The following ATXN7L1 variants were observed in gnomAD, a reference collection of about 807,000 sequenced individuals.
ATXN7L1 encodes ataxin-7-like protein 1.
In ATXN7L1, 15 loss-of-function variants were observed where a neutral mutation model predicts 70.8. That is an observed-to-expected ratio of 0.21 (90% CI 0.14 to 0.33). The LOEUF (loss-of-function observed/expected upper bound fraction) is 0.33. Among genes scored for constraint, ATXN7L1 ranks in the 10% least tolerant of loss-of-function variants. The pLI is 1.00. For synonymous variants in ATXN7L1, 440 were observed against 445.1 expected (o/e 0.99, Z 0.14); for missense variants, 975 against 1,097.1 (o/e 0.89, Z 1.57).
In ATXN7L1 at chr7:105,733,554, C is replaced by T. The variant is rs77132874; in HGVS notation, c.355+55050G>A. Among the ~76,000 whole-genome samples, 140 of 80,420 alleles carry T rather than the reference C, an allele frequency of 1.7e-3. 1 individual carries two copies. The highest frequency in any genetic ancestry group is 3.7e-3 in the African/African-American group (71 of 19,036). The allele number at this position is 80,420 out of a possible 152,430, so 52.8% of individuals were successfully genotyped here. A position where few individuals can be genotyped will look rare whatever the true frequency, so the allele number is the denominator to read the frequency against. ...TCCATCCATCCACCCATCCATCCAT[C>T]CACCCATCCATCCTTCCATCCATCC... On this transcript the variant is annotated intron_variant, in intron 3 of 11. Transcript: ENST00000419735.
chr7:105,803,193 G>A (rs1807073901), intron 2 of ATXN7L1, among the ~76,000 whole-genome samples: 1 of 152,276 alleles, frequency 6.6e-6, no homozygotes, highest in Admixed American at 6.5e-5. Flanking sequence ...AGCAGTGGTG[G>A]GTTGTAGAGT....
chr7:105,825,396 A>AG (rs1179660151), intron 2 of ATXN7L1, among the ~76,000 whole-genome samples: 1 of 152,056 alleles, frequency 6.6e-6, no homozygotes, highest in Non-Finnish European at 1.5e-5. Context: ...CAGAAAATAC[A>AG]GGGGAATTGA....
At chr7:105,723,040 A>G (rs1189335164) in intron 3 of ATXN7L1, among the ~76,000 whole-genome samples, 1 of 152,182 alleles carries the variant, frequency 6.6e-6, no homozygotes. Flanking sequence ...GCAAGACCCT[A>G]TTTTAAAAAA....
intron 2 of ATXN7L1, among the ~76,000 whole-genome samples, chr7:105,832,948 T>C (rs575208477): frequency 6.6e-6 from 1 of 152,254 alleles, no homozygotes; most frequent in South Asian, 2.1e-4. Flanking sequence ...CTTTCTGACT[T>C]CCGTGCTTCT....
At chr7:105,826,876 T>C (rs1810942755) in intron 2 of ATXN7L1, among the ~76,000 whole-genome samples, 1 of 152,208 alleles carries the variant, frequency 6.6e-6, no homozygotes, top group African/African-American at 2.4e-5. Context: ...AGAAAGATAG[T>C]AGCTGTAATA....
At chr7:105,753,924 T>G (rs1263109178) in intron 3 of ATXN7L1, among the ~76,000 whole-genome samples, 1 of 152,266 alleles carries the variant, frequency 6.6e-6, no homozygotes, top group South Asian at 2.1e-4. Flanking sequence ...GTAGAAAGGA[T>G]GTGGGTTGTA....
chr7:105,613,497 C>T, intron 10 of ATXN7L1: 9 of 1,142,402 alleles, frequency 7.9e-6, no homozygotes, highest in Non-Finnish European at 9.7e-6. Flanking sequence ...TCTTTAATGA[C>T]AATGTTCTCA....
At chr7:105,857,003 T>C (rs1207526600) in intron 2 of ATXN7L1, among the ~76,000 whole-genome samples, 1 of 152,124 alleles carries the variant, frequency 6.6e-6, no homozygotes, top group Non-Finnish European at 1.5e-5. Context: ...TTATGAACTG[T>C]TTCTCTTTGG....
In ATXN7L1 at chr7:105,643,508, C is replaced by T. The variant is rs140908625; in HGVS notation, c.579-387G>A. 2.4e-3 allele frequency among the ~76,000 whole-genome samples: 359 copies of T among 152,368 alleles called. 1 individual carries two copies. The highest frequency in any genetic ancestry group is 8.3e-3 in the African/African-American group (344 of 41,592). ...CCGTTTGTCCCCTGAAGACAATGTG[C>T]CACTGCTGAATCACGCCCCCTCCCC... is the stretch of plus-strand genomic sequence containing the variant. On this transcript the variant is annotated intron_variant, in intron 4 of 11. Coordinates refer to ENST00000419735, the MANE Select transcript of ATXN7L1 (RefSeq NM_020725.2).
At chr7:105,828,565 C>T in intron 2 of ATXN7L1, among the ~76,000 whole-genome samples, 1 of 152,204 alleles carries the variant, frequency 6.6e-6, no homozygotes, top group African/African-American at 2.4e-5. Flanking sequence ...GAGGAGGCAA[C>T]AAAGAGAAAT....
chr7:105,752,271 G>A (rs1799307261), intron 3 of ATXN7L1, among the ~76,000 whole-genome samples: 1 of 152,220 alleles, frequency 6.6e-6, no homozygotes, highest in South Asian at 2.1e-4. Flanking sequence ...TCAGCATGGA[G>A]CTAAATGCAC....
intron 3 of ATXN7L1, among the ~76,000 whole-genome samples, chr7:105,723,567 G>T (rs180913290): frequency 6.6e-6 from 1 of 152,194 alleles, no homozygotes; most frequent in East Asian, 1.9e-4. Flanking sequence ...AAACACACTA[G>T]CCAAAGGGAG....
At chr7:105,673,034 C>T (rs917472177) in intron 3 of ATXN7L1, among the ~76,000 whole-genome samples, 1 of 152,222 alleles carries the variant, frequency 6.6e-6, no homozygotes, top group Non-Finnish European at 1.5e-5. Context: ...ACTCCAGGGG[C>T]AGTCCTGGAG....
At position 105,875,849 on chromosome 7, in the gene ATXN7L1, A is replaced by G. The variant is rs775635629; in HGVS notation, c.213T>C (p.Gly71=). The G allele has an allele frequency of 1.2e-6, 2 of 1,612,656 alleles. No individual in the cohort carries two copies. Among genetic ancestry groups the G allele is most frequent in the Non-Finnish European group, 1.7e-6 (2 of 1,179,632 alleles). ...NVDLEEAGKE[G]GKSREVMRLN... Reference sequence around the variant, plus strand: ...GCCTCATAACCTCCCTGCTTTTTCCACCCTCTTTTCCAGCCTCTTCTAAAT... The same window carrying G: ...GCCTCATAACCTCCCTGCTTTTTCCGCCCTCTTTTCCAGCCTCTTCTAAAT... The change falls in exon 2 of 12, where the codon GGT becomes GGC. Residue 71 remains glycine, a synonymous_variant. Transcript: ENST00000419735.
chr7:105,813,827 C>G (rs1299140357), intron 2 of ATXN7L1, among the ~76,000 whole-genome samples: 1 of 151,900 alleles, frequency 6.6e-6, no homozygotes, highest in African/African-American at 2.4e-5. Context: ...CTTTTTTTCC[C>G]CCAGTATCCT....
intron 2 of ATXN7L1, among the ~76,000 whole-genome samples, chr7:105,855,451 G>A (rs566084671): frequency 3.9e-5 from 6 of 152,310 alleles, no homozygotes; most frequent in African/African-American, 7.2e-5. Context: ...GATATCCTAC[G>A]TAACAGTGTG....
At chr7:105,611,074 G>A (rs530954915) in intron 10 of ATXN7L1, among the ~76,000 whole-genome samples, 2 of 152,362 alleles carry the variant, frequency 1.3e-5, no homozygotes, top group Admixed American at 6.5e-5. Flanking sequence ...TGCTGGGTCA[G>A]TTTTCCCGGC....
intron 2 of ATXN7L1, among the ~76,000 whole-genome samples, chr7:105,829,283 A>AAACAG: frequency 6.6e-6 from 1 of 152,074 alleles, no homozygotes; most frequent in East Asian, 1.9e-4. Flanking sequence ...AAACAAAACA[A>AAACAG]AACAAAAAAA....
At chr7:105,613,653 G>A (rs996688154) in intron 10 of ATXN7L1, 11 of 1,428,308 alleles carry the variant, frequency 7.7e-6, no homozygotes, top group African/African-American at 2.9e-5. Flanking sequence ...GTAAAGTGCC[G>A]AGAACAGTGT....
Sources: allele counts gnomAD v4.1 joint callset (sites outside exome capture counted in the v4.1 genomes callset), GRCh38; gene constraint gnomAD v4.1.1; transcripts MANE v1.5; gene names NCBI Gene and HGNC (gene_info 2026-07-23, HGNC 2026-07-21).